Variants in CCSER1 observed in about 807,000 individuals in gnomAD.
CCSER1 encodes the protein serine-rich coiled-coil domain-containing protein 1.
CCSER1 carries 41 observed loss-of-function variants against 82.0 expected under a neutral mutation model. That is an observed-to-expected ratio of 0.50 (90% CI 0.39 to 0.65). The LOEUF is 0.65. Ranked by LOEUF, CCSER1 falls within the 30% of genes least tolerant of loss-of-function variation. The pLI is 0.00. For synonymous variants in CCSER1, 414 were observed against 383.9 expected (o/e 1.08, Z -0.92); for missense variants, 1,119 against 1,064.2 (o/e 1.05, Z -0.72).
chr4:90,638,344 A>T (rs556015122), intron 6 of CCSER1, among the ~76,000 whole-genome samples: 159 of 152,288 alleles, frequency 1.0e-3, no homozygotes, highest in African/African-American at 3.7e-3. Flanking sequence ...AAATATCATT[A>T]CACAACTGTT....
rs903186934 is a variant in CCSER1, at chr4:91,028,288, G to T, written c.2173-57662G>T. On this transcript the variant is annotated intron_variant, in intron 9 of 10. Transcript: ENST00000509176. ...GAGTGCTCTTCTCATCCATTATTTA[G>T]AAATAAAATATACTGCCCTTATATA... Among the ~76,000 whole-genome samples, 20 of 151,932 alleles carry T rather than the reference G, an allele frequency of 1.3e-4. No individual in the cohort carries two copies. In the South Asian group the frequency reaches 3.1e-3, roughly 24 times the overall value.
Position 91,085,992 on chromosome 4 carries a change from G to C in CCSER1, c.2215G>C (p.Glu739Gln). The C allele has an allele frequency of 2.0e-6, 3 of 1,522,642 alleles. No homozygotes were observed. The highest frequency in any genetic ancestry group is 2.7e-6 in the Non-Finnish European group (3 of 1,121,104). 94.3% of individuals were successfully genotyped at this position (1,522,642 alleles called of 1,614,324 possible). A position where few individuals can be genotyped will look rare whatever the true frequency, so the allele number is the denominator to read the frequency against. Residue 739 changes from glutamate (E) to glutamine (Q), a missense_variant and splice_region_variant, in exon 10 of 11, where the codon GAG (glutamate) becomes CAG (glutamine). Coordinates refer to ENST00000509176, the MANE Select transcript of CCSER1 (RefSeq NM_001145065.2). ...ACTAGAGACAGTACAAGGAGGGAGA[G>C]AGGTAAGAATGTTTAAAGAAGAGGG... ...KRLETVQGGR[E>Q]ATYRNRIVSQ...
At chr4:90,605,452 T>C (rs1426534611) in intron 5 of CCSER1, among the ~76,000 whole-genome samples, 2 of 152,218 alleles carry the variant, frequency 1.3e-5, no homozygotes, top group African/African-American at 4.8e-5. Context: ...ATTTTATCTC[T>C]TCACAAGTCA....
intron 9 of CCSER1, among the ~76,000 whole-genome samples, chr4:91,065,883 G>A (rs1720762090): frequency 6.6e-6 from 1 of 151,996 alleles, no homozygotes; most frequent in Non-Finnish European, 1.5e-5. Context: ...CAATTAAAAT[G>A]TTAGGAAAAC....
At chr4:90,449,448 C>T (rs993338218) in intron 4 of CCSER1, among the ~76,000 whole-genome samples, 25 of 152,148 alleles carry the variant, frequency 1.6e-4, no homozygotes, top group South Asian at 8.3e-4. Flanking sequence ...ACTGGGGATC[C>T]ACCCTTTTCT....
chr4:90,321,847 T>C (rs1464442666), intron 3 of CCSER1, among the ~76,000 whole-genome samples: 1 of 152,166 alleles, frequency 6.6e-6, no homozygotes, highest in African/African-American at 2.4e-5. Flanking sequence ...TATTTAGTTA[T>C]CTTTTCTATT....
In CCSER1 at chr4:90,961,347, G is replaced by A. The variant is rs548261550; in HGVS notation, c.2172+37900G>A. On this transcript the variant is annotated intron_variant, in intron 9 of 10. Coordinates refer to ENST00000509176, the MANE Select transcript of CCSER1 (RefSeq NM_001145065.2). ...AAAATCCTTAAATATATATGAGATA[G>A]TAACTGTAGCTCAATTCAAGGACCA... Among the ~76,000 whole-genome samples, 38 of 152,174 alleles carry A rather than the reference G, an allele frequency of 2.5e-4. No individual in the cohort carries two copies. The South Asian group carries it at 7.7e-3, about 31-fold the overall frequency.
intron 10 of CCSER1, among the ~76,000 whole-genome samples, chr4:91,439,551 G>T (rs1754954756): frequency 1.3e-5 from 2 of 152,094 alleles, no homozygotes; most frequent in South Asian, 4.2e-4. Context: ...AGACCATCGA[G>T]ACTAGGAAGA....
At chr4:90,187,117 A>G (rs1485780953) in intron 1 of CCSER1, among the ~76,000 whole-genome samples, 2 of 151,942 alleles carry the variant, frequency 1.3e-5, no homozygotes, top group Non-Finnish European at 2.9e-5. Context: ...AACCTTATTT[A>G]AAGACATGAC....
intron 5 of CCSER1, among the ~76,000 whole-genome samples, chr4:90,613,893 T>G (rs1720717769): frequency 6.6e-6 from 1 of 152,206 alleles, no homozygotes; most frequent in Non-Finnish European, 1.5e-5. Flanking sequence ...TATTTAACAG[T>G]GCTCCTGTAA....
intron 10 of CCSER1, among the ~76,000 whole-genome samples, chr4:91,170,637 AAGT>A (rs1203159549): frequency 6.6e-6 from 1 of 152,190 alleles, no homozygotes; most frequent in African/African-American, 2.4e-5. Context: ...TTCTCCTTAA[AAGT>A]AGAAGAAACT....
chr4:90,915,129 A>C (rs62312311), intron 8 of CCSER1, among the ~76,000 whole-genome samples: 8,127 of 152,280 alleles, frequency 0.053, 316 homozygotes, highest in East Asian at 0.12. Flanking sequence ...TATTCCAATC[A>C]ATAGAAAAAG....
At chr4:91,554,224 TATC>T (rs999370209) in intron 10 of CCSER1, among the ~76,000 whole-genome samples, 1 of 151,550 alleles carries the variant, frequency 6.6e-6, no homozygotes, top group African/African-American at 2.4e-5. Flanking sequence ...TCTAATTTCA[TATC>T]ATTGTGGTCA....
intron 3 of CCSER1, among the ~76,000 whole-genome samples, chr4:90,331,819 CT>C (rs34836949): frequency 0.32 from 46,614 of 144,364 alleles, 7,189 homozygotes; most frequent in Middle Eastern, 0.45. Context: ...TGTAAGACAG[CT>C]TTTTTTTTTT....
intron 10 of CCSER1, among the ~76,000 whole-genome samples, chr4:91,422,070 T>C (rs2149384058): frequency 6.6e-6 from 1 of 152,230 alleles, no homozygotes; most frequent in South Asian, 2.1e-4. Context: ...TAAATTCTCT[T>C]CCAGAGCCTC....
chr4:90,865,077 T>C (rs1008255523), intron 8 of CCSER1, among the ~76,000 whole-genome samples: 1 of 152,082 alleles, frequency 6.6e-6, no homozygotes, highest in Admixed American at 6.6e-5. Flanking sequence ...GTGAATCCAA[T>C]ATATTCTTTT....
At chr4:90,913,249 A>T (rs541909176) in intron 8 of CCSER1, among the ~76,000 whole-genome samples, 3 of 152,206 alleles carry the variant, frequency 2.0e-5, no homozygotes, top group African/African-American at 4.8e-5. Context: ...GAGAAAGGTC[A>T]GGTTACCCAC....
At chr4:90,158,655 C>T (rs1728815525) in intron 1 of CCSER1, among the ~76,000 whole-genome samples, 1 of 152,330 alleles carries the variant, frequency 6.6e-6, no homozygotes. Context: ...ATCAGTGAGA[C>T]TCCGTGGGCG....
intron 8 of CCSER1, among the ~76,000 whole-genome samples, chr4:90,848,046 G>A (rs1435347459): frequency 1.3e-5 from 2 of 152,148 alleles, no homozygotes; most frequent in African/African-American, 4.8e-5. Flanking sequence ...AGGTTTGTTT[G>A]AAGCAAATTA....
Sources: allele counts gnomAD v4.1 joint callset (sites outside exome capture counted in the v4.1 genomes callset), GRCh38; gene constraint gnomAD v4.1.1; transcripts MANE v1.5; gene names NCBI Gene and HGNC (gene_info 2026-07-23, HGNC 2026-07-21).